Variants in FBXO25 observed in about 807,000 individuals in gnomAD.
The protein encoded by FBXO25 is F-box only protein 25.
Under a neutral mutation model 51.9 loss-of-function variants are expected in FBXO25, and 45 were observed. The observed-to-expected ratio is 0.87, with a 90% CI of 0.68 to 1.11. FBXO25 has a LOEUF of 1.11. Among genes scored for constraint, FBXO25 ranks in the 50% most tolerant of loss-of-function variants. The pLI is 0.00. For synonymous variants in FBXO25, 199 were observed against 151.0 expected (o/e 1.32, Z -2.33); for missense variants, 507 against 428.5 (o/e 1.18, Z -1.62).
intron 9 of FBXO25, among the ~76,000 whole-genome samples, chr8:466,026 G>T (rs1352367234): frequency 6.6e-6 from 1 of 152,256 alleles, no homozygotes; most frequent in Admixed American, 6.5e-5. Context: ...TTCATGTCTT[G>T]CCCTTGGAGG....
intron 7 of FBXO25, 120 bp from the exon 8 acceptor site, chr8:458,249 T>G: frequency 8.7e-7 from 1 of 1,148,056 alleles, no homozygotes; most frequent in Non-Finnish European, 1.3e-6. Flanking sequence ...ACGCATGACA[T>G]GGAGAGCTCT....
chr8:407,566 C>T (rs1281587064), intron 1 of FBXO25, among the ~76,000 whole-genome samples: 2 of 152,078 alleles, frequency 1.3e-5, no homozygotes, highest in Admixed American at 1.3e-4. Flanking sequence ...CCCCACCCTC[C>T]TGGGCCGTCT....
chr8:475,520 A>G lies in FBXO25; in HGVS notation c.*6716A>G, dbSNP rs570935176. On this transcript the variant is annotated 3_prime_UTR_variant, in exon 10 of 10. Coordinates refer to ENST00000350302, the MANE Select transcript of FBXO25 (RefSeq NM_183420.2). ...TGAAATCTATAGATTGCTTTGGACT[A>G]TGGACATCTTAAGGTATCCAATCCA... 1 of 152,156 alleles carries G rather than the reference A, an allele frequency of 6.6e-6. No individual in the cohort carries two copies. Among genetic ancestry groups the G allele is most frequent in the Admixed American group, 6.5e-5 (1 of 15,272 alleles). 9.4% of individuals were successfully genotyped at this position (152,156 alleles called of 1,614,324 possible).
In FBXO25 at chr8:477,294, A is replaced by G. The variant is rs1188403654; in HGVS notation, c.*8490A>G. ...AGGTCCAGCTGGTATGATGCTGTTCAAGTTCTGTCTTGCGACTGATCTTCT... is the reference window on the plus strand; with the variant it reads ...AGGTCCAGCTGGTATGATGCTGTTCGAGTTCTGTCTTGCGACTGATCTTCT... On this transcript the variant is annotated 3_prime_UTR_variant, in exon 10 of 10. Coordinates refer to ENST00000350302, the MANE Select transcript of FBXO25 (RefSeq NM_183420.2). The G allele has an allele frequency of 1.3e-5, 2 of 152,232 alleles. No individual in the cohort carries two copies. Among genetic ancestry groups the G allele is most frequent in the Non-Finnish European group, 2.9e-5 (2 of 68,070 alleles). The allele number at this position is 152,232 out of a possible 1,614,324, so 9.4% of individuals were successfully genotyped here. A position where few individuals can be genotyped will look rare whatever the true frequency, so the allele number is the denominator to read the frequency against.
Position 472,804 on chromosome 8 carries a change from T to C in FBXO25, c.*4000T>C, listed in dbSNP as rs1346848610. 2 of 152,232 alleles carry C rather than the reference T, an allele frequency of 1.3e-5. No individual in the cohort carries two copies. The highest frequency in any genetic ancestry group is 2.4e-5 in the African/African-American group (1 of 41,468). The allele number at this position is 152,232 out of a possible 1,614,324, so 9.4% of individuals were successfully genotyped here. A position where few individuals can be genotyped will look rare whatever the true frequency, so the allele number is the denominator to read the frequency against. ...AAGTGGACTGTGAAACCTAGTCTGT[T>C]CTGCTTATCTTCAGAATTATCAAAA... On this transcript the variant is annotated 3_prime_UTR_variant, in exon 10 of 10. Coordinates refer to ENST00000350302, the MANE Select transcript of FBXO25 (RefSeq NM_183420.2).
intron 2 of FBXO25, among the ~76,000 whole-genome samples, chr8:430,827 C>T (rs1797780520): frequency 6.6e-6 from 1 of 152,180 alleles, no homozygotes; most frequent in South Asian, 2.1e-4. Context: ...CATGTCACTT[C>T]ACCTGGTTCC....
chr8:461,309 A>G (rs1461965450), intron 8 of FBXO25, among the ~76,000 whole-genome samples: 2 of 152,150 alleles, frequency 1.3e-5, no homozygotes, highest in Non-Finnish European at 2.9e-5. Flanking sequence ...CATACCCGAG[A>G]CTGGGTAATT....
At chr8:463,630 T>C (rs569578630) in intron 9 of FBXO25, among the ~76,000 whole-genome samples, 6 of 152,366 alleles carry the variant, frequency 3.9e-5, no homozygotes, top group African/African-American at 1.4e-4. Context: ...AAAGTGTCCA[T>C]AGAGAAGTCC....
rs1260401687 is a variant in FBXO25 at position 474,920 on chromosome 8, T to C, written c.*6116T>C. ...CCTTTTCAGATATATCATTTTAAAA[T>C]ACTTTGTCCCATTCCGTGGATTGCC... On this transcript the variant is annotated 3_prime_UTR_variant, in exon 10 of 10. Coordinates refer to ENST00000350302, the MANE Select transcript of FBXO25 (RefSeq NM_183420.2). The C allele has an allele frequency of 2.2e-6, 1 of 455,848 alleles. No individual in the cohort carries two copies. The highest frequency in any genetic ancestry group is 2.0e-5 in the African/African-American group (1 of 49,672). 28.2% of individuals were successfully genotyped at this position (455,848 alleles called of 1,614,324 possible).
At position 421,411 on chromosome 8, in the gene FBXO25, G is replaced by A. The variant is rs576702252; in HGVS notation, c.134+8198G>A. 1.1e-3 allele frequency among the ~76,000 whole-genome samples: 165 copies of A among 152,196 alleles called. 1 individual carries two copies. The highest frequency in any genetic ancestry group is 1.8e-3 in the Admixed American group (28 of 15,286). On this transcript the variant is annotated intron_variant, in intron 2 of 9. Transcript: ENST00000350302. ...CTTATCAGTAACTTTGGAAAACAGT[G>A]TTTTGACAGGATGCTGTAAGGCTAA...
chr8:411,223 T>C (rs186032483), intron 1 of FBXO25, among the ~76,000 whole-genome samples: 6 of 152,374 alleles, frequency 3.9e-5, no homozygotes, highest in African/African-American at 1.4e-4. Flanking sequence ...GCTACCTTTC[T>C]GTAGCTAAAT....
In FBXO25 at chr8:471,028, T is replaced by C. The variant is rs1339752470; in HGVS notation, c.*2224T>C. The C allele has an allele frequency of 6.6e-6, 1 of 152,228 alleles. No homozygotes were observed. The highest frequency in any genetic ancestry group is 6.5e-5 in the Admixed American group (1 of 15,286). The allele number at this position is 152,228 out of a possible 1,614,324, so 9.4% of individuals were successfully genotyped here. On this transcript the variant is annotated 3_prime_UTR_variant, in exon 10 of 10. Coordinates refer to ENST00000350302, the MANE Select transcript of FBXO25 (RefSeq NM_183420.2). The stretch of plus-strand genomic sequence containing the variant: ...TAATTGTTAGATGTTATAACAGTTC[T>C]CAGCTGTGCTATCAAATCACAGATG...
chr8:435,245 T>G (rs1258356679), intron 4 of FBXO25, among the ~76,000 whole-genome samples: 1 of 152,112 alleles, frequency 6.6e-6, no homozygotes, highest in Non-Finnish European at 1.5e-5. Flanking sequence ...ATCAGGTGAT[T>G]TATGTATTTT....
At chr8:451,588 G>T (rs1333475079) in intron 7 of FBXO25, 135 bp downstream of exon 7, 4 of 897,594 alleles carry the variant, frequency 4.5e-6, no homozygotes, top group Non-Finnish European at 6.6e-6. Flanking sequence ...TCATTAAATT[G>T]TTTTAAAATA....
At chr8:449,613 C>A (rs531238046) in intron 5 of FBXO25, among the ~76,000 whole-genome samples, 1 of 152,172 alleles carries the variant, frequency 6.6e-6, no homozygotes, top group Admixed American at 6.5e-5. Flanking sequence ...TGTGAAAATA[C>A]TTGTTAGTGC....
At chr8:407,902 G>T (rs1405798709) in intron 1 of FBXO25, among the ~76,000 whole-genome samples, 1 of 152,052 alleles carries the variant, frequency 6.6e-6, no homozygotes. Flanking sequence ...CTCTGTCCTT[G>T]GGCCTATTCA....
intron 5 of FBXO25, 111 bp downstream of exon 5, chr8:435,818 G>A (rs1162012897): frequency 6.9e-7 from 1 of 1,452,202 alleles, no homozygotes; most frequent in Admixed American, 2.6e-5. Flanking sequence ...AGGTGTGCCT[G>A]TTTGCTGCGT....
At position 476,697 on chromosome 8, in the gene FBXO25, T is replaced by G. The variant is rs1008916698; in HGVS notation, c.*7893T>G. On this transcript the variant is annotated 3_prime_UTR_variant, in exon 10 of 10. Transcript: ENST00000350302. ...TTTCTGTAAAATCAGTTGTAATGTCTCCTCCTGGTTTTTAGTTGTTTTTCT... is the reference window on the plus strand; with the variant it reads ...TTTCTGTAAAATCAGTTGTAATGTCGCCTCCTGGTTTTTAGTTGTTTTTCT... 2.9e-4 allele frequency: 44 copies of G among 152,270 alleles called. No individual in the cohort carries two copies. The East Asian group carries it at 4.0e-3, about 14-fold the overall frequency. The allele number at this position is 152,270 out of a possible 1,614,324, so 9.4% of individuals were successfully genotyped here. A position where few individuals can be genotyped will look rare whatever the true frequency, so the allele number is the denominator to read the frequency against.
intron 9 of FBXO25, among the ~76,000 whole-genome samples, chr8:465,857 C>G (rs1414546405): frequency 6.6e-6 from 1 of 152,124 alleles, no homozygotes; most frequent in African/African-American, 2.4e-5. Flanking sequence ...TATGTAATTT[C>G]TGATTTTTTT....
Sources: gnomAD v4.1 joint callset for allele counts (sites outside exome capture counted in the v4.1 genomes callset) on GRCh38, gnomAD v4.1.1 for gene constraint, MANE v1.5 for transcripts, NCBI Gene and HGNC (gene_info 2026-07-23, HGNC 2026-07-21) for gene names.